GRIK1: variants seen among roughly 807,000 people sequenced by gnomAD.
The protein encoded by GRIK1 is glutamate ionotropic receptor kainate type subunit 1, also known as glutamate receptor ionotropic, kainate 1.
Under a neutral mutation model 105.7 loss-of-function variants are expected in GRIK1, and 69 were observed. The observed-to-expected ratio is 0.65, with a 90% CI of 0.54 to 0.80. The LOEUF (loss-of-function observed/expected upper bound fraction) is 0.80, where lower values mean the gene tolerates loss of function less well. Among genes scored for constraint, GRIK1 ranks in the 30% least tolerant of loss-of-function variants. The pLI, the probability that GRIK1 is intolerant of heterozygous loss-of-function variation, is 0.00. For synonymous variants in GRIK1, 438 were observed against 431.3 expected (o/e 1.02, Z -0.19); for missense variants, 1,109 against 1,167.3 (o/e 0.95, Z 0.73).
intron 1 of GRIK1, among the ~76,000 whole-genome samples, chr21:29,821,515 G>T (rs189610336): frequency 2.0e-5 from 3 of 151,990 alleles, no homozygotes; most frequent in Non-Finnish European, 4.4e-5. Flanking sequence ...AACCATGAGA[G>T]GTCACTTTTT....
At chr21:29,905,304 T>A (rs1002830300) in intron 1 of GRIK1, among the ~76,000 whole-genome samples, 1 of 152,124 alleles carries the variant, frequency 6.6e-6, no homozygotes, top group East Asian at 1.9e-4. Context: ...TAAGTTACAC[T>A]GACTTCTCCC....
intron 1 of GRIK1, among the ~76,000 whole-genome samples, chr21:29,724,718 T>G (rs1035118665): frequency 4.6e-5 from 7 of 152,172 alleles, no homozygotes; most frequent in African/African-American, 1.7e-4. Context: ...TGGAACAATT[T>G]GATAGAAGAG....
intron 1 of GRIK1, among the ~76,000 whole-genome samples, chr21:29,888,775 G>A (rs2069777483): frequency 6.6e-6 from 1 of 152,200 alleles, no homozygotes; most frequent in African/African-American, 2.4e-5. Flanking sequence ...AGGCCAGATA[G>A]CTGTACTCAC....
intron 1 of GRIK1, among the ~76,000 whole-genome samples, chr21:29,886,872 T>C (rs1406482748): frequency 6.6e-6 from 1 of 152,142 alleles, no homozygotes; most frequent in Non-Finnish European, 1.5e-5. Context: ...TAAGCCTTTT[T>C]CAAAGAGAAA....
chr21:29,581,523 T>C lies in GRIK1; in HGVS notation c.1814A>G (p.Tyr605Cys), dbSNP rs1337676776. ...VIARFTPYEW[Y>C]NPHPCNPDSD... is the part of the protein sequence containing the mutation. ...GTCAGGGTTGCATGGGTGGGGGTTA[T>C]ACCACTCGTAGGGTGTAAACCTGTG... Residue 605 changes from tyrosine to cysteine, a missense_variant, in exon 13 of 18, where the codon TAT (tyrosine) becomes TGT (cysteine). Physicochemically the swap from Tyr to Cys is radical, Grantham distance 194. This residue lies in a region of GRIK1 where 264 missense variants were observed against 306.9 expected (regional missense o/e 0.86). Coordinates refer to ENST00000327783, the MANE Select transcript of GRIK1 (RefSeq NM_001330994.2). The C allele has an allele frequency of 3.7e-6, 6 of 1,601,016 alleles. No homozygotes were observed. Among genetic ancestry groups the C allele is most frequent in the Non-Finnish European group, 5.1e-6 (6 of 1,168,156 alleles).
At chr21:29,614,082 C>T (rs1189985752) in intron 7 of GRIK1, among the ~76,000 whole-genome samples, 1 of 152,064 alleles carries the variant, frequency 6.6e-6, no homozygotes, top group Non-Finnish European at 1.5e-5. Flanking sequence ...AGCATGGCCT[C>T]AAACCAAGTT....
chr21:29,555,373 T>C, intron 15 of GRIK1, 71 bp from the exon 16 acceptor site: 1 of 1,363,802 alleles, frequency 7.3e-7, no homozygotes, highest in Admixed American at 1.9e-5. Context: ...TTCTTAATTA[T>C]CATCTTTGTC....
At chr21:29,929,739 A>G (rs146731641) in intron 1 of GRIK1, among the ~76,000 whole-genome samples, 109 of 152,342 alleles carry the variant, frequency 7.2e-4, no homozygotes, top group African/African-American at 2.5e-3. Flanking sequence ...TAGTACAATC[A>G]TTATGGAAAA....
chr21:29,781,462 T>G (rs2066097242), intron 1 of GRIK1, among the ~76,000 whole-genome samples: 1 of 152,176 alleles, frequency 6.6e-6, no homozygotes. Flanking sequence ...GCCATTGTAT[T>G]TCCCACTCTC....
At chr21:29,654,206 T>A (rs951718124) in intron 5 of GRIK1, among the ~76,000 whole-genome samples, 2 of 152,252 alleles carry the variant, frequency 1.3e-5, no homozygotes, top group African/African-American at 2.4e-5. Flanking sequence ...ATCATTTTGA[T>A]GTGTTAAATA....
intron 11 of GRIK1, among the ~76,000 whole-genome samples, chr21:29,587,961 A>ATTTTTTTTTTTTT (rs1555842114): frequency 1.2e-5 from 1 of 81,832 alleles, no homozygotes; most frequent in East Asian, 5.0e-4. Flanking sequence ...AAACTTTAAA[A>ATTTTTTTTTTTTT]TTCTTTTTTT....
In GRIK1 at chr21:29,693,948, G is replaced by T. The variant is rs745507830; in HGVS notation, c.234C>A (p.Thr78=). ...NRTLMPNTTL[T]YDIQRINLFD... ...AAAGGTTAATTCTCTGGATGTCATA[G>T]GTTAATGTGGTGTTAGGCATCAGGG... Residue 78 remains threonine, a synonymous_variant, in exon 2 of 18, where the codon ACC becomes ACA. Transcript: ENST00000327783. The T allele has an allele frequency of 8.7e-6, 14 of 1,612,866 alleles. No homozygotes were observed. The South Asian group carries it at 1.5e-4, about 18-fold the overall frequency.
chr21:29,813,448 G>A (rs2067065935), intron 1 of GRIK1, among the ~76,000 whole-genome samples: 1 of 152,060 alleles, frequency 6.6e-6, no homozygotes, highest in Admixed American at 6.6e-5. Context: ...AAATCTCTGG[G>A]AAAATCCAAT....
At chr21:29,887,338 C>CTAACCTAACAATCTAACCTAA (rs1040916995) in intron 1 of GRIK1, among the ~76,000 whole-genome samples, 16 of 152,132 alleles carry the variant, frequency 1.1e-4, no homozygotes, top group African/African-American at 3.9e-4. Flanking sequence ...ACCTAACAAT[C>CTAACCTAACAATCTAACCTAA]CAGGTCAAGT....
intron 1 of GRIK1, among the ~76,000 whole-genome samples, chr21:29,839,262 C>T (rs1488704416): frequency 6.6e-6 from 1 of 152,040 alleles, no homozygotes; most frequent in African/African-American, 2.4e-5. Flanking sequence ...GTTGGCCAGG[C>T]TTGTCTCAAA....
chr21:29,729,251 G>A (rs896385202), intron 1 of GRIK1, among the ~76,000 whole-genome samples: 2 of 152,160 alleles, frequency 1.3e-5, no homozygotes. Flanking sequence ...TTTGGTGAAT[G>A]GTTGAGGCTG....
intron 7 of GRIK1, among the ~76,000 whole-genome samples, chr21:29,614,573 C>A (rs2061803538): frequency 6.6e-6 from 1 of 150,976 alleles, no homozygotes; most frequent in Admixed American, 6.6e-5. Context: ...AACACTACAT[C>A]CAGCTAATTT....
intron 1 of GRIK1, among the ~76,000 whole-genome samples, chr21:29,747,426 G>A (rs955324269): frequency 6.6e-6 from 1 of 152,194 alleles, no homozygotes; most frequent in African/African-American, 2.4e-5. Flanking sequence ...ATCTCCAATT[G>A]TGATCTGGCT....
intron 7 of GRIK1, among the ~76,000 whole-genome samples, chr21:29,628,280 C>T (rs1408045152): frequency 6.6e-6 from 1 of 152,180 alleles, no homozygotes; most frequent in Non-Finnish European, 1.5e-5. Context: ...TTAGACCACA[C>T]AACTTCCTAG....
Sources: allele counts gnomAD v4.1 joint callset (sites outside exome capture counted in the v4.1 genomes callset), GRCh38; gene constraint gnomAD v4.1.1; regional missense constraint gnomAD v4.1.1; transcripts MANE v1.5; gene names NCBI Gene and HGNC (gene_info 2026-07-23, HGNC 2026-07-21).